CNTNAP2: variants seen among roughly 807,000 people sequenced by gnomAD.
CNTNAP2 encodes contactin associated protein 2, also known as contactin-associated protein-like 2.
CNTNAP2 carries 98 observed loss-of-function variants against 155.2 expected under a neutral mutation model. That is an observed-to-expected ratio of 0.63 (90% CI 0.54 to 0.75). The LOEUF is 0.75. Among genes scored for constraint, CNTNAP2 ranks in the 30% least tolerant of loss-of-function variants. The pLI, the probability that CNTNAP2 is intolerant of heterozygous loss-of-function variation, is 0.00. For missense variants in CNTNAP2, 1,727 were observed against 1,688.1 expected, an observed-to-expected ratio of 1.02 and a Z score of -0.40; for synonymous variants, 651 against 631.2, an observed-to-expected ratio of 1.03 and a Z score of -0.47.
chr7:146,320,835 G>C (rs1371118793), intron 1 of CNTNAP2, among the ~76,000 whole-genome samples: 1 of 151,940 alleles, frequency 6.6e-6, no homozygotes, highest in South Asian at 2.1e-4. Flanking sequence ...TTTTCTAAAT[G>C]GTTTGATTTC....
intron 9 of CNTNAP2, among the ~76,000 whole-genome samples, chr7:147,393,179 T>C (rs1422170415): frequency 6.6e-6 from 1 of 152,068 alleles, no homozygotes; most frequent in African/African-American, 2.4e-5. Flanking sequence ...TGGAATATTA[T>C]GGAGAGAAAA....
intron 13 of CNTNAP2, among the ~76,000 whole-genome samples, chr7:147,789,900 G>A (rs1005977008): frequency 1.3e-5 from 2 of 152,076 alleles, no homozygotes; most frequent in African/African-American, 2.4e-5. Flanking sequence ...CTGTTCTGTC[G>A]GCTTTCCTAC....
chr7:147,172,605 G>A (rs1802254679), intron 8 of CNTNAP2, among the ~76,000 whole-genome samples: 1 of 151,926 alleles, frequency 6.6e-6, no homozygotes, highest in African/African-American at 2.4e-5. Flanking sequence ...TGTAAGATAT[G>A]CCATTGTTCA....
intron 1 of CNTNAP2, among the ~76,000 whole-genome samples, chr7:146,700,118 C>T (rs2642504): frequency 0.81 from 123,894 of 152,124 alleles, 51,296 homozygotes; most frequent in South Asian, 0.93. Context: ...AGAGTGTAGC[C>T]CCTTCCAAGA....
chr7:146,647,591 G>T (rs910974355), intron 1 of CNTNAP2, among the ~76,000 whole-genome samples: 3 of 152,082 alleles, frequency 2.0e-5, no homozygotes, highest in African/African-American at 7.2e-5. Context: ...CTCATGAGCA[G>T]TGATAAAGAG....
chr7:146,799,937 GT>G (rs1195802907), intron 2 of CNTNAP2, among the ~76,000 whole-genome samples: 1 of 151,760 alleles, frequency 6.6e-6, no homozygotes, highest in East Asian at 1.9e-4. Flanking sequence ...TGAAAGATTG[GT>G]TATGGGACTC....
intron 13 of CNTNAP2, among the ~76,000 whole-genome samples, chr7:147,851,696 C>T (rs189874005): frequency 1.9e-3 from 265 of 142,100 alleles, no homozygotes; most frequent in African/African-American, 6.4e-3. Flanking sequence ...CACTCATAGG[C>T]GGGAATTGAA....
chr7:148,382,684 C>T (rs1162026390), intron 21 of CNTNAP2, among the ~76,000 whole-genome samples: 3 of 152,128 alleles, frequency 2.0e-5, no homozygotes, highest in Admixed American at 2.0e-4. Flanking sequence ...CCCAGGGAGT[C>T]GGCAGGGACA....
intron 1 of CNTNAP2, among the ~76,000 whole-genome samples, chr7:146,209,091 T>C (rs1798995220): frequency 6.6e-6 from 1 of 152,136 alleles, no homozygotes; most frequent in Admixed American, 6.6e-5. Flanking sequence ...TTGAGCTCCT[T>C]TGATGCCTCT....
chr7:146,510,811 T>G (rs1254554016), intron 1 of CNTNAP2, among the ~76,000 whole-genome samples: 1 of 152,146 alleles, frequency 6.6e-6, no homozygotes, highest in Non-Finnish European at 1.5e-5. Context: ...TAAATGCTAC[T>G]GAGTTTTGTA....
chr7:148,205,048 A>G (rs1363347318), intron 18 of CNTNAP2, among the ~76,000 whole-genome samples: 2 of 152,246 alleles, frequency 1.3e-5, no homozygotes, highest in African/African-American at 4.8e-5. Flanking sequence ...GCTCCCATCC[A>G]CAAGAGTCCT....
chr7:148,035,070 A>G (rs1392526890), intron 15 of CNTNAP2, among the ~76,000 whole-genome samples: 1 of 152,232 alleles, frequency 6.6e-6, no homozygotes, highest in Non-Finnish European at 1.5e-5. Flanking sequence ...AAGGAGTTGC[A>G]TGGTTACTTT....
rs75198391 is a variant in CNTNAP2, at chr7:147,022,957, G to A, written c.403-20950G>A. Among the ~76,000 whole-genome samples, 586 of 152,138 alleles carry A rather than the reference G, an allele frequency of 3.9e-3. 2 individuals are homozygous for A. The highest frequency in any genetic ancestry group is 0.014 in the African/African-American group (561 of 41,524). On this transcript the variant is annotated intron_variant, in intron 3 of 23. Transcript: ENST00000361727. ...TCTATTCTTTTTAATAGAGGTCATG[G>A]TTTGTTATCTATGGAACCGAGAATC...
intron 1 of CNTNAP2, among the ~76,000 whole-genome samples, chr7:146,649,490 T>G (rs1218625416): frequency 6.6e-6 from 1 of 152,178 alleles, no homozygotes; most frequent in Non-Finnish European, 1.5e-5. Flanking sequence ...TTCAGTGAAA[T>G]GAAAACATGA....
intron 8 of CNTNAP2, among the ~76,000 whole-genome samples, chr7:147,261,420 A>C (rs1413402729): frequency 3.9e-5 from 6 of 152,140 alleles, no homozygotes; most frequent in Non-Finnish European, 7.4e-5. Flanking sequence ...GGTCTAAGAT[A>C]GTTCTAGGTT....
chr7:148,319,858 A>C (rs1331951900), intron 21 of CNTNAP2, among the ~76,000 whole-genome samples: 2 of 151,912 alleles, frequency 1.3e-5, no homozygotes, highest in African/African-American at 4.8e-5. Flanking sequence ...ATATATTACA[A>C]TGTAATAATA....
chr7:148,329,771 A>G (rs1002915643), intron 21 of CNTNAP2, among the ~76,000 whole-genome samples: 18 of 152,150 alleles, frequency 1.2e-4, no homozygotes, highest in Non-Finnish European at 2.4e-4. Context: ...AATGACAGGG[A>G]CGTTCTTTAT....
chr7:146,408,852 A>T (rs929145914), intron 1 of CNTNAP2, among the ~76,000 whole-genome samples: 1 of 147,664 alleles, frequency 6.8e-6, no homozygotes, highest in African/African-American at 2.5e-5. Context: ...CACAGATATT[A>T]AAAAAAAAAG....
chr7:147,867,346 G>A (rs960424450), intron 13 of CNTNAP2, among the ~76,000 whole-genome samples: 4 of 152,116 alleles, frequency 2.6e-5, no homozygotes, highest in African/African-American at 7.2e-5. Flanking sequence ...TCCCTTTGTG[G>A]GTAACCCGAC....
Sources: gnomAD v4.1 joint callset for allele counts (sites outside exome capture counted in the v4.1 genomes callset) on GRCh38, gnomAD v4.1.1 for gene constraint, MANE v1.5 for transcripts, NCBI Gene and HGNC (gene_info 2026-07-23, HGNC 2026-07-21) for gene names.